PTPRT: variants seen among roughly 807,000 people sequenced by gnomAD.
The protein encoded by PTPRT is protein tyrosine phosphatase receptor type T.
In PTPRT, 56 loss-of-function variants were observed where a neutral mutation model predicts 176.8. That is an observed-to-expected ratio of 0.32 (90% CI 0.26 to 0.40). The LOEUF (loss-of-function observed/expected upper bound fraction) is 0.40, where lower values mean the gene tolerates loss of function less well. Among genes scored for constraint, PTPRT ranks in the 10% least tolerant of loss-of-function variants. The pLI is 1.00. For missense variants in PTPRT, 1,540 were observed against 1,908.2 expected, an observed-to-expected ratio of 0.81 and a Z score of 3.60; for synonymous variants, 783 against 739.0, an observed-to-expected ratio of 1.06 and a Z score of -0.96.
At chr20:42,330,641 A>T (rs1314030675) in intron 11 of PTPRT, among the ~76,000 whole-genome samples, 1 of 152,142 alleles carries the variant, frequency 6.6e-6, no homozygotes, top group Non-Finnish European at 1.5e-5. Flanking sequence ...GGAAGGATCA[A>T]GTTTGATGCT....
intron 11 of PTPRT, among the ~76,000 whole-genome samples, chr20:42,337,805 A>T (rs368776043): frequency 6.6e-6 from 1 of 152,354 alleles, no homozygotes; most frequent in East Asian, 1.9e-4. Flanking sequence ...CAGCTTGGAA[A>T]ATGGTTGAGA....
chr20:42,618,842 G>T (rs1357211340), intron 7 of PTPRT, among the ~76,000 whole-genome samples: 4 of 142,108 alleles, frequency 2.8e-5, no homozygotes, highest in Non-Finnish European at 6.1e-5. Context: ...GTCTCTGCAC[G>T]TGAGATGGGT....
chr20:42,271,738 C>T (rs1400506311), intron 13 of PTPRT, among the ~76,000 whole-genome samples: 1 of 152,166 alleles, frequency 6.6e-6, no homozygotes, highest in Admixed American at 6.5e-5. Flanking sequence ...CCACCCCTCA[C>T]CTCTCTAAAG....
intron 7 of PTPRT, among the ~76,000 whole-genome samples, chr20:42,530,784 T>C (rs1174842567): frequency 6.6e-6 from 1 of 152,178 alleles, no homozygotes; most frequent in African/African-American, 2.4e-5. Context: ...TTGCAGTACT[T>C]GTGCATCCAG....
intron 1 of PTPRT, among the ~76,000 whole-genome samples, chr20:42,943,568 A>T (rs2145997928): frequency 6.6e-6 from 1 of 152,286 alleles, no homozygotes; most frequent in Admixed American, 6.5e-5. Context: ...GGAATGATGC[A>T]AATCAGGCAC....
chr20:43,018,326 T>C (rs112534770), intron 1 of PTPRT, among the ~76,000 whole-genome samples: 45 of 152,310 alleles, frequency 3.0e-4, no homozygotes, highest in African/African-American at 1.1e-3. Context: ...GAAAAAAATA[T>C]TACATTCTCC....
chr20:43,132,525 G>A (rs1347091866), intron 1 of PTPRT, among the ~76,000 whole-genome samples: 1 of 152,122 alleles, frequency 6.6e-6, no homozygotes, highest in Non-Finnish European at 1.5e-5. Flanking sequence ...TACTGCAGAC[G>A]TAATCCCAAT....
At chr20:42,629,804 G>C (rs6093706) in intron 7 of PTPRT, among the ~76,000 whole-genome samples, 2,676 of 152,220 alleles carry the variant, frequency 0.018, 87 homozygotes, top group African/African-American at 0.06. Context: ...CTGGCAATAG[G>C]CCAAGGATCC....
intron 7 of PTPRT, among the ~76,000 whole-genome samples, chr20:42,574,015 G>T (rs1251585673): frequency 6.6e-6 from 1 of 152,084 alleles, no homozygotes; most frequent in East Asian, 1.9e-4. Context: ...CCAAAGTGCT[G>T]GGATTACAGG....
chr20:42,345,169 C>A (rs1230366264), intron 11 of PTPRT, among the ~76,000 whole-genome samples: 1 of 151,938 alleles, frequency 6.6e-6, no homozygotes, highest in Non-Finnish European at 1.5e-5. Context: ...CATATGGCTC[C>A]TGAAATTTAA....
chr20:42,709,029 G>T (rs904720361), intron 6 of PTPRT, among the ~76,000 whole-genome samples: 4 of 152,216 alleles, frequency 2.6e-5, no homozygotes, highest in Admixed American at 2.6e-4. Context: ...CTGCCTCAGA[G>T]AACTGAAAAT....
chr20:42,035,853 A>G, the PTPRT span, among the ~76,000 whole-genome samples: 2 of 152,202 alleles, frequency 1.3e-5, no homozygotes, highest in South Asian at 2.1e-4. Flanking sequence ...CCTCAGTGCC[A>G]CAGCTCATCA....
At chr20:42,328,482 T>C (rs1339776889) in intron 11 of PTPRT, among the ~76,000 whole-genome samples, 2 of 152,024 alleles carry the variant, frequency 1.3e-5, no homozygotes, top group South Asian at 4.1e-4. Context: ...TTACTGCAGG[T>C]ACACAAGACA....
intron 1 of PTPRT, among the ~76,000 whole-genome samples, chr20:42,946,678 AACATGTACCATAT>A (rs1325230708): frequency 2.0e-5 from 3 of 152,202 alleles, no homozygotes; most frequent in African/African-American, 7.2e-5. Flanking sequence ...GAGTATCAGC[AACATGTACCATAT>A]ATACTGGTAT....
chr20:43,005,060 G>A (rs1984781372), intron 1 of PTPRT, among the ~76,000 whole-genome samples: 1 of 152,154 alleles, frequency 6.6e-6, no homozygotes, highest in African/African-American at 2.4e-5. Flanking sequence ...CAAACACAGT[G>A]TGGTGTTCAG....
chr20:42,303,964 T>C (rs529429125), intron 12 of PTPRT, among the ~76,000 whole-genome samples: 9 of 152,324 alleles, frequency 5.9e-5, no homozygotes, highest in African/African-American at 1.9e-4. Context: ...CTTGTACATA[T>C]GGTTCATGTC....
At chr20:42,718,454 G>A (rs1263297042) in intron 6 of PTPRT, among the ~76,000 whole-genome samples, 1 of 152,198 alleles carries the variant, frequency 6.6e-6, no homozygotes, top group African/African-American at 2.4e-5. Flanking sequence ...GGGGAATGGC[G>A]TGAACCCAGG....
intron 1 of PTPRT, among the ~76,000 whole-genome samples, chr20:42,920,796 T>G (rs1433065188): frequency 4.6e-5 from 7 of 152,154 alleles, no homozygotes; most frequent in Non-Finnish European, 1.0e-4. Context: ...AGAGAGGGGC[T>G]CTAATCAGTG....
intron 1 of PTPRT, among the ~76,000 whole-genome samples, chr20:42,999,535 C>T (rs1242255890): frequency 6.6e-6 from 1 of 151,760 alleles, no homozygotes; most frequent in Non-Finnish European, 1.5e-5. Context: ...GCACGTGGGC[C>T]ACTGGAGGCC....
Sources: allele counts gnomAD v4.1 joint callset (sites outside exome capture counted in the v4.1 genomes callset), GRCh38; gene constraint gnomAD v4.1.1; transcripts MANE v1.5; gene names NCBI Gene and HGNC (gene_info 2026-07-23, HGNC 2026-07-21).